The following SPECC1 variants were observed in gnomAD, a reference collection of about 807,000 sequenced individuals.
The protein encoded by SPECC1 is sperm antigen with calponin homology and coiled-coil domains 1.
A neutral mutation model predicts 104.1 loss-of-function variants in SPECC1; 62 were observed. That is an observed-to-expected ratio of 0.60 (90% confidence interval 0.49 to 0.74). SPECC1 has a LOEUF of 0.74. SPECC1 is among the 30% of genes least tolerant of loss of function. The probability of loss-of-function intolerance (pLI) is 0.00; values close to 1 mark genes in which losing one functional copy is unlikely to be tolerated. For synonymous variants in SPECC1, 513 were observed against 501.6 expected, an observed-to-expected ratio of 1.02 and a Z score of -0.30; for missense variants, 1,306 against 1,310.5, an observed-to-expected ratio of 1.00 and a Z score of 0.05.
At chr17:20,231,580 G>C (rs1412805860) in intron 5 of SPECC1, among the ~76,000 whole-genome samples, 178 bp from the exon 6 acceptor site, 2 of 152,190 alleles carry the variant, frequency 1.3e-5, no homozygotes, top group Non-Finnish European at 2.9e-5. Context: ...AGGCTCTTGT[G>C]TCCATTCCCT....
At chr17:20,136,250 C>G (rs2029948004) in intron 3 of SPECC1, among the ~76,000 whole-genome samples, 1 of 151,908 alleles carries the variant, frequency 6.6e-6, no homozygotes, top group African/African-American at 2.4e-5. Context: ...ATAGTGAAAC[C>G]CCGTCTCTAC....
At chr17:20,131,703 G>A (rs993674186) in intron 3 of SPECC1, among the ~76,000 whole-genome samples, 1 of 145,936 alleles carries the variant, frequency 6.9e-6, no homozygotes, top group Non-Finnish European at 1.5e-5. Flanking sequence ...AGGCTGGAGT[G>A]CAGTGGCACA....
intron 1 of SPECC1, among the ~76,000 whole-genome samples, chr17:20,048,390 C>A (rs1434390440): frequency 6.6e-6 from 1 of 152,022 alleles, no homozygotes; most frequent in African/African-American, 2.4e-5. Context: ...GCCTCGGCCT[C>A]CCAAAGTGCT....
At chr17:20,241,042 CT>C (rs1365100953) in intron 7 of SPECC1, among the ~76,000 whole-genome samples, 3 of 152,240 alleles carry the variant, frequency 2.0e-5, no homozygotes, top group Non-Finnish European at 4.4e-5. Flanking sequence ...TGTCTGAATT[CT>C]GCTCAGATCC....
chr17:20,275,096 A>C (rs1053759353), intron 12 of SPECC1, among the ~76,000 whole-genome samples: 3 of 152,058 alleles, frequency 2.0e-5, no homozygotes, highest in Non-Finnish European at 2.9e-5. Context: ...TTTAGCTTTT[A>C]ATGAGCTATC....
chr17:20,098,465 A>T (rs747557939), intron 2 of SPECC1, among the ~76,000 whole-genome samples: 33 of 152,044 alleles, frequency 2.2e-4, no homozygotes, highest in Non-Finnish European at 2.8e-4. Flanking sequence ...CTCTGCGTCA[A>T]CCCTCTAGTG....
At chr17:20,234,710 T>G (rs1451855906) in intron 7 of SPECC1, among the ~76,000 whole-genome samples, 3 of 152,246 alleles carry the variant, frequency 2.0e-5, no homozygotes, top group African/African-American at 7.2e-5. Context: ...AAAAAGCACC[T>G]GGATCCAGAC....
At chr17:20,043,370 C>T (rs1156425771) in intron 1 of SPECC1, among the ~76,000 whole-genome samples, 1 of 152,174 alleles carries the variant, frequency 6.6e-6, no homozygotes, top group African/African-American at 2.4e-5. Flanking sequence ...TTTAGCATGT[C>T]TAGGTGAATA....
At chr17:20,041,615 T>C (rs1007244811) in intron 1 of SPECC1, among the ~76,000 whole-genome samples, 24 of 146,588 alleles carry the variant, frequency 1.6e-4, no homozygotes, top group African/African-American at 5.8e-4. Context: ...AGTTGTTTGT[T>C]GAGGCTTTTT....
Position 20,076,478 on chromosome 17 carries a change from G to T in SPECC1, c.-21-20153G>T, listed in dbSNP as rs557794602. On this transcript the variant is annotated intron_variant, in intron 1 of 14. Transcript: ENST00000395527. The stretch of plus-strand genomic sequence containing the variant: ...GCCTCCTAAAGTGCTGGGATTACAG[G>T]GATGAGCCACTGCACCCAGCCTGGT... 5.3e-5 allele frequency among the ~76,000 whole-genome samples: 8 copies of T among 152,162 alleles called. No homozygotes were observed. In the South Asian group the frequency reaches 1.7e-3, roughly 32 times the overall value.
At chr17:20,240,192 C>T (rs931996687) in intron 7 of SPECC1, among the ~76,000 whole-genome samples, 1 of 145,194 alleles carries the variant, frequency 6.9e-6, no homozygotes. Flanking sequence ...GCAGGGATTA[C>T]AGCCATGAGC....
intron 9 of SPECC1, among the ~76,000 whole-genome samples, chr17:20,249,088 C>G (rs2039527804): frequency 6.6e-6 from 1 of 152,158 alleles, no homozygotes; most frequent in African/African-American, 2.4e-5. Context: ...ATTATAGCCA[C>G]ATTTTAAAAA....
At chr17:20,153,343 G>A (rs2032184510) in intron 3 of SPECC1, among the ~76,000 whole-genome samples, 1 of 152,166 alleles carries the variant, frequency 6.6e-6, no homozygotes, top group Admixed American at 6.5e-5. Flanking sequence ...GATTATGAAG[G>A]ACCTTGGTAT....
At chr17:20,268,964 T>C (rs2040308524) in intron 12 of SPECC1, among the ~76,000 whole-genome samples, 2 of 152,190 alleles carry the variant, frequency 1.3e-5, no homozygotes, top group Non-Finnish European at 2.9e-5. Flanking sequence ...TGTAGAGACC[T>C]GTCAGACTGT....
intron 3 of SPECC1, among the ~76,000 whole-genome samples, chr17:20,134,157 T>A (rs1228819425): frequency 1.3e-5 from 2 of 151,118 alleles, no homozygotes; most frequent in African/African-American, 4.9e-5. Flanking sequence ...ATATATTCCC[T>A]ATGTATATAT....
At chr17:20,232,459 G>A (rs1598045991) in intron 7 of SPECC1, 54 bp downstream of exon 7, 2 of 1,538,074 alleles carry the variant, frequency 1.3e-6, no homozygotes, top group Non-Finnish European at 1.8e-6. Flanking sequence ...TATGTATGGG[G>A]CTCCCTGGTG....
Position 20,036,476 on chromosome 17 carries a change from C to T in SPECC1, c.-22+27052C>T, listed in dbSNP as rs2045086110. On this transcript the variant is annotated intron_variant, in intron 1 of 14. Coordinates refer to ENST00000395527, the MANE Select transcript of SPECC1 (RefSeq NM_001243439.2). ...GACAGATAAAATTGTGTGTATTTAT[C>T]ATGTACAACATGATGTTTTGGAGTA... Among the ~76,000 whole-genome samples the T allele has an allele frequency of 2.0e-5, 3 of 152,296 alleles. No homozygotes were observed. In the South Asian group the frequency reaches 6.2e-4, roughly 32 times the overall value.
chr17:20,032,487 A>G (rs561408739), intron 1 of SPECC1, among the ~76,000 whole-genome samples: 1 of 152,020 alleles, frequency 6.6e-6, no homozygotes, highest in East Asian at 1.9e-4. Flanking sequence ...CATTTGAATA[A>G]TGTCTATTGA....
intron 3 of SPECC1, chr17:20,126,537 C>T (rs2049316596): frequency 6.6e-6 from 1 of 152,144 alleles, no homozygotes; most frequent in Admixed American, 6.5e-5. Context: ...TTGGAACTGG[C>T]TCGCTCCCTT....
Sources: gnomAD v4.1 joint callset for allele counts (sites outside exome capture counted in the v4.1 genomes callset) on GRCh38, gnomAD v4.1.1 for gene constraint, MANE v1.5 for transcripts, NCBI Gene and HGNC (gene_info 2026-07-23, HGNC 2026-07-21) for gene names.